Variants in PTPRN2 observed in about 807,000 individuals in gnomAD.
PTPRN2 encodes the protein protein tyrosine phosphatase receptor type N2, also known as receptor-type tyrosine-protein phosphatase N2.
PTPRN2 carries 74 observed loss-of-function variants against 118.8 expected under a neutral mutation model. The ratio of observed to expected loss-of-function variants is 0.62; its 90% CI spans 0.52 to 0.76. PTPRN2 has a LOEUF of 0.76. PTPRN2 is among the 30% of genes least tolerant of loss of function. The pLI, the probability that PTPRN2 is intolerant of heterozygous loss-of-function variation, is 0.00. For missense variants in PTPRN2, 1,481 were observed against 1,394.4 expected (o/e 1.06, Z -0.99); for synonymous variants, 641 against 608.0 (o/e 1.05, Z -0.80).
intron 11 of PTPRN2, among the ~76,000 whole-genome samples, chr7:158,066,547 T>A (rs1437165903): frequency 6.6e-6 from 1 of 152,124 alleles, no homozygotes; most frequent in Non-Finnish European, 1.5e-5. Flanking sequence ...ACAAGACATT[T>A]ACAAAACACC....
chr7:157,933,599 T>G (rs1004639372), intron 11 of PTPRN2, among the ~76,000 whole-genome samples: 3 of 150,082 alleles, frequency 2.0e-5, no homozygotes, highest in African/African-American at 7.4e-5. Context: ...TCACTCTGAT[T>G]GACAGTTTTA....
At chr7:158,351,696 G>T (rs542780968) in intron 2 of PTPRN2, among the ~76,000 whole-genome samples, 67 of 152,198 alleles carry the variant, frequency 4.4e-4, no homozygotes, top group African/African-American at 1.5e-3. Context: ...GCAGGCAGCC[G>T]GGCCAGTCCA....
intron 1 of PTPRN2, among the ~76,000 whole-genome samples, chr7:158,557,358 C>T (rs1827109039): frequency 7.0e-6 from 1 of 142,746 alleles, no homozygotes; most frequent in Non-Finnish European, 1.5e-5. Flanking sequence ...ACGGCTCCCA[C>T]GCAGGTCAGG....
chr7:158,116,051 C>A (rs1453953428), intron 9 of PTPRN2, among the ~76,000 whole-genome samples: 2 of 152,192 alleles, frequency 1.3e-5, no homozygotes, highest in Non-Finnish European at 2.9e-5. Flanking sequence ...AGGACCTCAC[C>A]CACGTGGGGT....
intron 3 of PTPRN2, among the ~76,000 whole-genome samples, chr7:158,256,592 C>T (rs561369516): frequency 1.6e-4 from 25 of 152,154 alleles, no homozygotes; most frequent in African/African-American, 5.8e-4. Context: ...GGGGGGGAAC[C>T]TAGGCAGCTC....
rs148885567 is a variant in PTPRN2, at chr7:158,113,643, G to A, written c.1557-2728C>T. Among the ~76,000 whole-genome samples, 532 of 152,296 alleles carry A rather than the reference G, an allele frequency of 3.5e-3. 3 individuals are homozygous for A. The highest frequency in any genetic ancestry group is 0.012 in the African/African-American group (498 of 41,558). On this transcript the variant is annotated intron_variant, in intron 9 of 22. Coordinates refer to ENST00000389418, the MANE Select transcript of PTPRN2 (RefSeq NM_002847.5). ...GCCGTGACTAGTCTAGCCTCAGAGC[G>A]CAGCTGCACTAGCTGGAGAGAGAGG...
chr7:157,605,862 G>A (rs1214020815), intron 15 of PTPRN2, among the ~76,000 whole-genome samples: 1 of 152,220 alleles, frequency 6.6e-6, no homozygotes, highest in Non-Finnish European at 1.5e-5. Flanking sequence ...GGCACCATGA[G>A]TTCCCACTCT....
At chr7:158,534,320 C>A (rs1332205636) in intron 1 of PTPRN2, among the ~76,000 whole-genome samples, 3 of 151,136 alleles carry the variant, frequency 2.0e-5, no homozygotes, top group Admixed American at 6.6e-5. Context: ...ACGCCCCGGG[C>A]TCCGTCAGGG....
intron 11 of PTPRN2, among the ~76,000 whole-genome samples, chr7:157,923,609 C>T (rs1405979768): frequency 2.0e-5 from 3 of 152,108 alleles, no homozygotes; most frequent in Non-Finnish European, 4.4e-5. Flanking sequence ...AATGTCAGAC[C>T]ATTGATGGCT....
intron 12 of PTPRN2, among the ~76,000 whole-genome samples, chr7:157,746,520 G>A (rs941851621): frequency 5.1e-5 from 7 of 136,656 alleles, no homozygotes; most frequent in African/African-American, 8.4e-5. Context: ...GTCCACACGG[G>A]GCCCTGAGTG....
intron 11 of PTPRN2, among the ~76,000 whole-genome samples, chr7:157,967,122 A>G (rs1226397674): frequency 6.6e-6 from 1 of 152,170 alleles, no homozygotes; most frequent in Non-Finnish European, 1.5e-5. Context: ...GAGTTTGAGA[A>G]CCACCTGGGC....
chr7:157,593,620 C>T (rs897745625), intron 17 of PTPRN2, among the ~76,000 whole-genome samples: 4 of 152,180 alleles, frequency 2.6e-5, no homozygotes, highest in African/African-American at 4.8e-5. Flanking sequence ...CCGGGGTGAG[C>T]GTGCACAGCA....
At chr7:157,643,400 T>TTG (rs1294328256) in intron 14 of PTPRN2, among the ~76,000 whole-genome samples, 8 of 152,230 alleles carry the variant, frequency 5.3e-5, no homozygotes, top group South Asian at 4.2e-4. Context: ...CACAAAAAAA[T>TTG]AGAGTTCCAC....
chr7:158,043,226 G>A (rs1215659299), intron 11 of PTPRN2, among the ~76,000 whole-genome samples: 4 of 152,062 alleles, frequency 2.6e-5, no homozygotes, highest in South Asian at 2.1e-4. Flanking sequence ...TAAAAGTAAT[G>A]TGCCATGTGG....
chr7:158,139,360 T>TA (rs1819153964), intron 6 of PTPRN2, among the ~76,000 whole-genome samples: 1 of 152,080 alleles, frequency 6.6e-6, no homozygotes, highest in African/African-American at 2.4e-5. Context: ...CGGGTGGACA[T>TA]AACGGAAGAA....
intron 3 of PTPRN2, among the ~76,000 whole-genome samples, chr7:158,266,604 G>A (rs1586045846): frequency 6.6e-6 from 1 of 152,198 alleles, no homozygotes; most frequent in East Asian, 1.9e-4. Flanking sequence ...TCCGTGAACT[G>A]AGGAACAGCC....
At chr7:157,894,797 C>T (rs1797005944) in intron 12 of PTPRN2, among the ~76,000 whole-genome samples, 1 of 152,156 alleles carries the variant, frequency 6.6e-6, no homozygotes, top group South Asian at 2.1e-4. Context: ...AGACCACCTA[C>T]CAGCTGGGGA....
chr7:158,288,016 T>C (rs1799874164), intron 3 of PTPRN2, among the ~76,000 whole-genome samples: 4 of 152,302 alleles, frequency 2.6e-5, no homozygotes, highest in Admixed American at 2.6e-4. Context: ...ATATTTATAA[T>C]TATTATATCT....
At chr7:157,842,857 C>A (rs1310646557) in intron 12 of PTPRN2, among the ~76,000 whole-genome samples, 2 of 152,112 alleles carry the variant, frequency 1.3e-5, no homozygotes, top group Non-Finnish European at 2.9e-5. Context: ...GGGAAAGAGG[C>A]AAGGCACAAG....
Sources: gnomAD v4.1 joint callset for allele counts (sites outside exome capture counted in the v4.1 genomes callset) on GRCh38, gnomAD v4.1.1 for gene constraint, MANE v1.5 for transcripts, NCBI Gene and HGNC (gene_info 2026-07-23, HGNC 2026-07-21) for gene names.